Variants in ZSCAN20 observed in about 807,000 individuals in gnomAD.
ZSCAN20 encodes zinc finger and SCAN domain-containing protein 20.
Under a neutral mutation model 97.1 loss-of-function variants are expected in ZSCAN20, and 39 were observed. The observed-to-expected ratio is 0.40, with a 90% confidence interval of 0.31 to 0.52. The LOEUF (loss-of-function observed/expected upper bound fraction) is 0.52. Ranked by LOEUF, ZSCAN20 falls within the 20% of genes least tolerant of loss-of-function variation. ZSCAN20 has a pLI of 0.49. For synonymous variants in ZSCAN20, 456 were observed against 467.3 expected (o/e 0.98, Z 0.31); for missense variants, 1,115 against 1,290.4 (o/e 0.86, Z 2.08).
chr1:33,489,870 CA>C (rs1402319387), intron 5 of ZSCAN20, among the ~76,000 whole-genome samples: 1 of 152,102 alleles, frequency 6.6e-6, no homozygotes, highest in Non-Finnish European at 1.5e-5. Flanking sequence ...GTCCAGGGGC[CA>C]GGCCTGGACT....
In ZSCAN20 at chr1:33,479,648, G is replaced by C. The variant is rs1488834223; in HGVS notation, c.360G>C (p.Glu120Asp). The C allele has an allele frequency of 6.9e-6, 11 of 1,604,584 alleles. No individual in the cohort carries two copies. In the East Asian group the frequency reaches 2.5e-4, roughly 36 times the overall value. Residue 120 changes from glutamate to aspartate, a missense_variant, in exon 2 of 8, where the codon GAG becomes GAC. Physicochemically the swap from Glu to Asp is conservative, Grantham distance 45 (BLOSUM62 2). Around this residue, in one of 3 missense-constraint regions of ZSCAN20, gnomAD observed 508 missense variants for 611.2 expected, o/e 0.83. Transcript: ENST00000684572. ...AGGCACGCCACCCTGAGAGTGGTGA[G>C]GAGGCTGTGGCCTTGGTGGAGGATT... ...WVQARHPESG[E>D]EAVALVEDWH...
In ZSCAN20 at chr1:33,494,630, A is replaced by C; in HGVS notation, c.2286A>C (p.Gly762=). The change falls in exon 8 of 8, where the codon GGA becomes GGC. Residue 762 remains glycine (G), a synonymous_variant. Transcript: ENST00000684572. ...ATACCCATCAGAGAATCCACACTGG[A>C]GAGAAGCCCTATAAATGCCTTGAAT... ...NLNTHQRIHT[G]EKPYKCLECG... 1 of 1,614,024 alleles carries C rather than the reference A, an allele frequency of 6.2e-7. No individual in the cohort carries two copies. The highest frequency in any genetic ancestry group is 1.1e-5 in the South Asian group (1 of 91,068).
Position 33,495,042 on chromosome 1 carries a change from G to A in ZSCAN20, c.2698G>A (p.Glu900Lys). The part of the protein sequence containing the change: ...LISHQRIHTG[E>K]KPYECAECGK... ...TAGTCACCAAAGAATCCATACGGGA[G>A]AGAAACCATATGAATGTGCCGAATG... is the stretch of plus-strand genomic sequence containing the variant. Residue 900 changes from glutamate (E) to lysine (K), a missense_variant, in exon 8 of 8, where the codon GAG becomes AAG. Transcript: ENST00000684572. 6.2e-7 allele frequency: 1 copy of A among 1,613,556 alleles called. No homozygotes were observed. The highest frequency in any genetic ancestry group is 8.5e-7 in the Non-Finnish European group (1 of 1,179,628).
intron 2 of ZSCAN20, among the ~76,000 whole-genome samples, chr1:33,482,452 A>G (rs1652191701): frequency 6.6e-6 from 1 of 152,192 alleles, no homozygotes; most frequent in Admixed American, 6.5e-5. Context: ...GATGTACCAC[A>G]GTTTATTTAT....
Position 33,499,821 on chromosome 1 carries a change from T to G in ZSCAN20, c.*4345T>G, listed in dbSNP as rs2148488434. ...TGTGTTGCCCAGGCTGGTCTTGAAC[T>G]CCTGGCCTCAAGCGATCCTCCCACC... On this transcript the variant is annotated 3_prime_UTR_variant, in exon 8 of 8. Transcript: ENST00000684572. Among the ~76,000 whole-genome samples the G allele has an allele frequency of 6.6e-6, 1 of 152,226 alleles. No individual in the cohort carries two copies. Among genetic ancestry groups the G allele is most frequent in the South Asian group, 2.1e-4 (1 of 4,812 alleles).
At chr1:33,490,683 A>ACACC (rs1553122649) in intron 5 of ZSCAN20, among the ~76,000 whole-genome samples, 5 of 107,200 alleles carry the variant, frequency 4.7e-5, no homozygotes, top group African/African-American at 1.4e-4. Context: ...ACACACACAC[A>ACACC]CCACACACCC....
rs1652787662 is a variant in ZSCAN20, at chr1:33,494,797, G to A, written c.2453G>A (p.Gly818Glu). 1 of 1,614,054 alleles carries A rather than the reference G, an allele frequency of 6.2e-7. No homozygotes were observed. The highest frequency in any genetic ancestry group is 8.5e-7 in the Non-Finnish European group (1 of 1,180,024). The stretch of plus-strand genomic sequence containing the variant: ...CTGAAACATCAGAGAATCCACTTGG[G>A]AGGAAATCCTGACCAGTGTAGTGAG... ...NLLKHQRIHL[G>E]GNPDQCSEPG... Residue 818 changes from glycine to glutamate, a missense_variant, in exon 8 of 8, where the codon GGA (glycine) becomes GAA (glutamate). This residue lies in a region of ZSCAN20 where 554 missense variants were observed against 584.9 expected (regional missense o/e 0.95). Coordinates refer to ENST00000684572, the MANE Select transcript of ZSCAN20 (RefSeq NM_001377376.1).
At position 33,493,625 on chromosome 1, in the gene ZSCAN20, G is replaced by A. The variant is rs752450333; in HGVS notation, c.1873+10G>A. On this transcript the variant is annotated intron_variant, in intron 7 of 7. Coordinates refer to ENST00000684572, the MANE Select transcript of ZSCAN20 (RefSeq NM_001377376.1). This position sits in a 1 kb window ranked among gnomAD's most constrained non-coding sequence, Gnocchi z 4.3. ...AAAGCCCCAGACATGGGTAAGCCTG[G>A]AGTAATTGGATGTTCTCAAAATCTG... 1 of 1,538,258 alleles carries A rather than the reference G, an allele frequency of 6.5e-7. No homozygotes were observed. The highest frequency in any genetic ancestry group is 8.7e-7 in the Non-Finnish European group (1 of 1,143,042).
chr1:33,485,067 A>G (rs564330630), intron 2 of ZSCAN20, among the ~76,000 whole-genome samples: 159 of 152,366 alleles, frequency 1.0e-3, no homozygotes, highest in South Asian at 8.7e-3. Context: ...TGGAAGAGAT[A>G]GTAGAGAATT....
At position 33,501,041 on chromosome 1, in the gene ZSCAN20, A is replaced by C. The variant is rs145169529; in HGVS notation, c.*5565A>C. ...TTATAGGCACTGGGGACCAGCAGGA[A>C]GTGGTGGTGAGACACTTTGAAACCC... On this transcript the variant is annotated 3_prime_UTR_variant, in exon 8 of 8. Coordinates refer to ENST00000684572, the MANE Select transcript of ZSCAN20 (RefSeq NM_001377376.1). Among the ~76,000 whole-genome samples the C allele has an allele frequency of 8.2e-3, 1,254 of 152,232 alleles. 9 individuals are homozygous for C. Among genetic ancestry groups the C allele is most frequent in the Non-Finnish European group, 0.012 (838 of 67,994 alleles).
Position 33,479,639 on chromosome 1 carries a change from G to A in ZSCAN20, c.351G>A (p.Glu117=). ...VQTWVQARHP[E]SGEEAVALVE... is the part of the protein sequence containing the mutation. ...CCTGGGTGCAGGCACGCCACCCTGA[G>A]AGTGGTGAGGAGGCTGTGGCCTTGG... The change falls in exon 2 of 8, where the codon GAG becomes GAA. Residue 117 remains glutamate (E), a synonymous_variant. Transcript: ENST00000684572. 6.2e-7 allele frequency: 1 copy of A among 1,607,348 alleles called. No homozygotes were observed. The highest frequency in any genetic ancestry group is 2.2e-5 in the East Asian group (1 of 44,850).
intron 1 of ZSCAN20, among the ~76,000 whole-genome samples, chr1:33,476,457 C>T (rs1023926999): frequency 1.1e-4 from 17 of 152,212 alleles, no homozygotes; most frequent in African/African-American, 4.1e-4. Flanking sequence ...GAGCTTTGGG[C>T]CTGGTGTGAC....
chr1:33,490,146 TAGAAA>T (rs1652541821), intron 5 of ZSCAN20, among the ~76,000 whole-genome samples: 1 of 152,054 alleles, frequency 6.6e-6, no homozygotes, highest in African/African-American at 2.4e-5. Context: ...ATAGCTGAAA[TAGAAA>T]AGACTCTGAT....
chr1:33,479,114 G>A (rs1652040497), intron 1 of ZSCAN20, 65 bp from the exon 2 acceptor site: 1 of 643,214 alleles, frequency 1.6e-6, no homozygotes, highest in Non-Finnish European at 2.5e-6. Context: ...AGATATGGGG[G>A]AAGGGGGAGA....
Position 33,495,025 on chromosome 1 carries a change from A to G in ZSCAN20, c.2681A>G (p.Gln894Arg). Residue 894 changes from glutamine to arginine, a missense_variant, in exon 8 of 8, where the codon CAA (glutamine) becomes CGA (arginine). By Grantham distance (43) the Gln-to-Arg change is conservative. Transcript: ENST00000684572. ...FSKSSALISH[Q>R]RIHTGEKPYE... Reference sequence around the variant, plus strand: ...AAGAGCTCTGCCCTCATTAGTCACCAAAGAATCCATACGGGAGAGAAACCA... The same window carrying G: ...AAGAGCTCTGCCCTCATTAGTCACCGAAGAATCCATACGGGAGAGAAACCA... The G allele has an allele frequency of 6.2e-7, 1 of 1,614,030 alleles. No homozygotes were observed. The highest frequency in any genetic ancestry group is 8.5e-7 in the Non-Finnish European group (1 of 1,179,926).
Position 33,495,312 on chromosome 1 carries a change from A to G in ZSCAN20, c.2968A>G (p.Arg990Gly), listed in dbSNP as rs1652819217. ...IHTGEKPYKC[R>G]ECGKCFNQSS... ...TACGGGAGAGAAGCCGTATAAGTGC[A>G]GAGAGTGTGGGAAATGCTTTAACCA... is the stretch of plus-strand genomic sequence containing the variant. Residue 990 changes from arginine (R) to glycine (G), a missense_variant, in exon 8 of 8, where the codon AGA becomes GGA. Transcript: ENST00000684572. 2 of 1,613,192 alleles carry G rather than the reference A, an allele frequency of 1.2e-6. No individual in the cohort carries two copies. Among genetic ancestry groups the G allele is most frequent in the Non-Finnish European group, 1.7e-6 (2 of 1,179,550 alleles).
In ZSCAN20 at chr1:33,491,945, C is replaced by A. The variant is rs1570562504; in HGVS notation, c.1444+243C>A. The stretch of plus-strand genomic sequence containing the variant: ...CCTTAAGGGGCCTCAAAGAGTGAAT[C>A]CAGTATTTCCAAAAGTGTGTCACTG... On this transcript the variant is annotated intron_variant, in intron 6 of 7. Coordinates refer to ENST00000684572, the MANE Select transcript of ZSCAN20 (RefSeq NM_001377376.1). This position sits in a 1 kb window ranked among gnomAD's most constrained non-coding sequence, Gnocchi z 4.3. 1.3e-5 allele frequency: 5 copies of A among 377,274 alleles called. No individual in the cohort carries two copies. Among genetic ancestry groups the A allele is most frequent in the Non-Finnish European group, 2.4e-5 (5 of 212,076 alleles). 23.4% of individuals were successfully genotyped at this position (377,274 alleles called of 1,614,324 possible).
At chr1:33,474,902 A>G (rs1651863092) in intron 1 of ZSCAN20, among the ~76,000 whole-genome samples, 1 of 152,188 alleles carries the variant, frequency 6.6e-6, no homozygotes, top group Admixed American at 6.5e-5. Context: ...CACTGACTCT[A>G]GTCTCCCTTC....
In ZSCAN20 at chr1:33,491,391, A is replaced by C; in HGVS notation, c.1133A>C (p.Tyr378Ser). ...GFLRTLEQCR[Y>S]RVKNLLRNYR... The stretch of plus-strand genomic sequence containing the variant: ...CTGCGGACACTGGAGCAATGTCGCT[A>C]TAGGGTCAAAAACCTCCTACGGAAT... The change falls in exon 6 of 8, where the codon TAT (tyrosine) becomes TCT (serine). Residue 378 changes from tyrosine to serine, a missense_variant. By Grantham distance (144) the Tyr-to-Ser change is moderately radical (BLOSUM62 -2). This residue lies in a region of ZSCAN20 where 508 missense variants were observed against 611.2 expected (regional missense o/e 0.83). Transcript: ENST00000684572. This position sits in a 1 kb window ranked among gnomAD's most constrained non-coding sequence, Gnocchi z 4.3. 1 of 1,614,210 alleles carries C rather than the reference A, an allele frequency of 6.2e-7. No individual in the cohort carries two copies.
Sources: allele counts gnomAD v4.1 joint callset (sites outside exome capture counted in the v4.1 genomes callset), GRCh38; gene constraint gnomAD v4.1.1; regional missense constraint gnomAD v4.1.1; non-coding constraint Gnocchi (gnomAD v3.1); transcripts MANE v1.5; gene names NCBI Gene and HGNC (gene_info 2026-07-23, HGNC 2026-07-21).